Variants in ABCC2 observed in about 807,000 individuals in gnomAD.
The protein encoded by ABCC2 is ATP binding cassette subfamily C member 2.
A neutral mutation model predicts 173.4 loss-of-function variants in ABCC2; 157 were observed. The ratio of observed to expected loss-of-function variants is 0.91; its 90% CI spans 0.80 to 1.03. ABCC2 has a LOEUF of 1.03. Ranked by LOEUF, ABCC2 falls within the 50% of genes least tolerant of loss-of-function variation. The pLI is 0.00. For missense variants in ABCC2, 1,822 were observed against 1,852.3 expected (o/e 0.98, Z 0.30); for synonymous variants, 657 against 693.5 (o/e 0.95, Z 0.83).
At position 99,818,811 on chromosome 10, in the gene ABCC2, C is replaced by T. The variant is rs2038470723; in HGVS notation, c.2293C>T (p.Gln765Ter). The T allele has an allele frequency of 6.2e-7, 1 of 1,613,976 alleles. No homozygotes were observed. Among genetic ancestry groups the T allele is most frequent in the African/African-American group, 1.3e-5 (1 of 74,894 alleles). Residue 765 changes from glutamine (Q) to a stop codon, truncating the protein, a stop_gained, in exon 18 of 32, where the codon CAG (glutamine) becomes TAG (stop). Transcript: ENST00000647814. LOFTEE classifies it high-confidence loss of function. ...GEKGINLSGG[Q>*]KQRISLARAT... is the part of the protein sequence containing the mutation. Reference sequence around the variant, plus strand: ...TCAGGGTATAAATCTTAGTGGGGGTCAGAAGCAGCGGATCAGCCTGGCCAG... The same window carrying T: ...TCAGGGTATAAATCTTAGTGGGGGTTAGAAGCAGCGGATCAGCCTGGCCAG...
At chr10:99,798,063 G>T (rs944543038) in intron 7 of ABCC2, 2 of 152,906 alleles carry the variant, frequency 1.3e-5, no homozygotes, top group Non-Finnish European at 2.9e-5. Flanking sequence ...ATTAAGCTAT[G>T]TGGACCCCTG....
At chr10:99,787,483 G>A (rs10786572) in intron 2 of ABCC2, among the ~76,000 whole-genome samples, 87,737 of 151,428 alleles carry the variant, frequency 0.58, 25,681 homozygotes, top group East Asian at 0.77. Context: ...TCGTTCTGTC[G>A]CCCAGGCAGG....
At chr10:99,845,504 C>G in intron 28 of ABCC2, 120 bp from the exon 29 acceptor site, 1 of 1,303,512 alleles carries the variant, frequency 7.7e-7, no homozygotes, top group Non-Finnish European at 1.1e-6. Flanking sequence ...AGTTTAATAT[C>G]TTAGAGATGG....
Position 99,784,673 on chromosome 10 carries a change from G to A in ABCC2, c.99G>A (p.Val33=), listed in dbSNP as rs376241522. 15 of 1,614,242 alleles carry A rather than the reference G, an allele frequency of 9.3e-6. No individual in the cohort carries two copies. The African/African-American group carries it at 2.0e-4, about 22-fold the overall frequency. Reference sequence around the variant, plus strand: ...TTTGTTTTGAGCAAACTGTTCTGGTGTGGATTCCCTTGGGCTACCTATGGC... The same window carrying A: ...TTTGTTTTGAGCAAACTGTTCTGGTATGGATTCCCTTGGGCTACCTATGGC... The part of the protein sequence containing the change: ...LPLCFEQTVL[V]WIPLGYLWLL... Residue 33 remains valine, a synonymous_variant, in exon 2 of 32, where the codon GTG becomes GTA. Transcript: ENST00000647814.
Position 99,797,318 on chromosome 10 carries a change from A to T in ABCC2, c.854A>T (p.Asp285Val). 1 of 1,612,614 alleles carries T rather than the reference A, an allele frequency of 6.2e-7. No individual in the cohort carries two copies. The highest frequency in any genetic ancestry group is 8.5e-7 in the Non-Finnish European group (1 of 1,179,400). ...AACAAGAATCAGAGTCAAAGCCAAG[A>T]TGCCCTTGTCCTGGTAACTTTCCCT... ...GLNKNQSQSQDALVLEDVEKK... is the reference protein window; with the variant it reads ...GLNKNQSQSQVALVLEDVEKK... The change falls in exon 7 of 32, where the codon GAT (aspartate) becomes GTT (valine). Residue 285 changes from aspartate to valine, a missense_variant. Asp to Val is a radical substitution (Grantham distance 152, BLOSUM62 -3). Coordinates refer to ENST00000647814, the MANE Select transcript of ABCC2 (RefSeq NM_000392.5).
At chr10:99,798,870 T>A (rs1406508705) in intron 7 of ABCC2, among the ~76,000 whole-genome samples, 1 of 152,154 alleles carries the variant, frequency 6.6e-6, no homozygotes, top group African/African-American at 2.4e-5. Flanking sequence ...AGAACAAGCA[T>A]GAAAAGAACA....
At chr10:99,786,833 T>C (rs961210625) in intron 2 of ABCC2, among the ~76,000 whole-genome samples, 1 of 152,068 alleles carries the variant, frequency 6.6e-6, no homozygotes, top group Non-Finnish European at 1.5e-5. Context: ...TGAAACCCCG[T>C]CTCTACTAAA....
At chr10:99,818,728 A>T in intron 17 of ABCC2, 62 bp from the exon 18 acceptor site, 1 of 1,594,596 alleles carries the variant, frequency 6.3e-7, no homozygotes, top group Admixed American at 1.7e-5. Context: ...ACCCCTCCCT[A>T]TTAGATTCTG....
intron 28 of ABCC2, among the ~76,000 whole-genome samples, chr10:99,845,146 C>T (rs1396096193): frequency 6.6e-6 from 1 of 152,104 alleles, no homozygotes; most frequent in African/African-American, 2.4e-5. Context: ...TTTTCTGACT[C>T]AGACTCCCAA....
intron 3 of ABCC2, 124 bp downstream of exon 3, chr10:99,792,483 G>T: frequency 6.8e-7 from 1 of 1,460,748 alleles, no homozygotes; most frequent in South Asian, 1.2e-5. Flanking sequence ...GATCCATAGT[G>T]AGGCAAAGCT....
intron 17 of ABCC2, 139 bp downstream of exon 17, chr10:99,817,623 G>GT (rs2038446500): frequency 1.0e-6 from 1 of 956,722 alleles, no homozygotes; most frequent in Non-Finnish European, 1.6e-6. Context: ...CAGAAATCAT[G>GT]TGTTTGTACT....
intron 10 of ABCC2, 62 bp downstream of exon 10, chr10:99,804,335 C>A (rs1366148998): frequency 1.3e-5 from 21 of 1,605,112 alleles, no homozygotes; most frequent in Non-Finnish European, 1.8e-5. Context: ...CTTTTTCTTA[C>A]TCTACTCTAA....
At chr10:99,850,496 A>AGGG in intron 30 of ABCC2, 106 bp from the exon 31 acceptor site, 1 of 1,098,698 alleles carries the variant, frequency 9.1e-7, no homozygotes, top group Non-Finnish European at 1.4e-6. Context: ...GGAATTTTGG[A>AGGG]GGGGGGGTTT....
intron 16 of ABCC2, among the ~76,000 whole-genome samples, chr10:99,814,776 T>TATATACATACATATACACATACACAC (rs1281464103): frequency 2.0e-4 from 25 of 124,380 alleles, no homozygotes; most frequent in Non-Finnish European, 3.3e-4. Flanking sequence ...TATGTGTGTG[T>TATATACATACATATACACATACACAC]ATGTATATAC....
chr10:99,801,367 G>T (rs975463328), intron 9 of ABCC2, among the ~76,000 whole-genome samples: 22 of 152,116 alleles, frequency 1.4e-4, no homozygotes, highest in Non-Finnish European at 7.4e-5. Context: ...CTCCCAAGCA[G>T]CTGGGACTAC....
chr10:99,833,226 T>C (rs1261898917), intron 23 of ABCC2, among the ~76,000 whole-genome samples: 1 of 152,216 alleles, frequency 6.6e-6, no homozygotes, highest in Non-Finnish European at 1.5e-5. Context: ...TTCAATGGCC[T>C]TTCTGCTCTT....
chr10:99,822,825 C>A (rs1364688349), intron 19 of ABCC2, among the ~76,000 whole-genome samples: 3 of 152,124 alleles, frequency 2.0e-5, no homozygotes, highest in African/African-American at 7.2e-5. Flanking sequence ...TCAACTATGG[C>A]CTGTCCTTGG....
chr10:99,794,149 T>C, intron 5 of ABCC2, 150 bp downstream of exon 5: 1 of 568,052 alleles, frequency 1.8e-6, no homozygotes. Context: ...CAGATAGTGA[T>C]GAGAGTAAAA....
intron 19 of ABCC2, among the ~76,000 whole-genome samples, chr10:99,822,920 T>C (rs1046501311): frequency 3.3e-5 from 5 of 152,124 alleles, no homozygotes; most frequent in Admixed American, 1.3e-4. Context: ...TCCTGGTCCA[T>C]TGTCAGTTTT....
Sources: allele counts gnomAD v4.1 joint callset (sites outside exome capture counted in the v4.1 genomes callset), GRCh38; gene constraint gnomAD v4.1.1; transcripts MANE v1.5; gene names NCBI Gene and HGNC (gene_info 2026-07-23, HGNC 2026-07-21).